Variants in DCLK1 observed in about 807,000 individuals in gnomAD.
The protein encoded by DCLK1 is serine/threonine-protein kinase DCLK1.
DCLK1 carries 16 observed loss-of-function variants against 86.2 expected under a neutral mutation model. The ratio of observed to expected loss-of-function variants is 0.19; its 90% CI spans 0.13 to 0.28. The LOEUF (loss-of-function observed/expected upper bound fraction) is 0.28. Among genes scored for constraint, DCLK1 ranks in the 10% least tolerant of loss-of-function variants. The probability of loss-of-function intolerance (pLI) is 1.00; values close to 1 mark genes in which losing one functional copy is unlikely to be tolerated. For synonymous variants in DCLK1, 369 were observed against 370.5 expected, an observed-to-expected ratio of 1.00 and a Z score of 0.05; for missense variants, 590 against 940.2, an observed-to-expected ratio of 0.63 and a Z score of 4.87.
chr13:35,851,375 C>G (rs1870621305), intron 6 of DCLK1, among the ~76,000 whole-genome samples: 3 of 152,180 alleles, frequency 2.0e-5, no homozygotes, highest in Admixed American at 2.0e-4. Context: ...CACCTCCTCT[C>G]TCCTTTCCTA....
intron 16 of DCLK1, among the ~76,000 whole-genome samples, chr13:35,784,403 T>C (rs1056147581): frequency 6.6e-6 from 1 of 152,192 alleles, no homozygotes; most frequent in Non-Finnish European, 1.5e-5. Flanking sequence ...AAAACCTCAG[T>C]GAGCAACCTG....
Position 35,855,628 on chromosome 13 carries a change from AGGAT to A in DCLK1, c.941-1039_941-1036del, listed in dbSNP as rs1309646852. On this transcript the variant is annotated intron_variant, in intron 5 of 16. Transcript: ENST00000360631. ...AATGGGAATCGGTTGGATGAGTTTA[AGGAT>A]GGCTAAGGCTGCTCCCAGAGCAGGC... 7 of 1,516,102 alleles carry A rather than the reference AGGAT, an allele frequency of 4.6e-6. No homozygotes were observed. The East Asian group carries it at 1.7e-4, about 37-fold the overall frequency. The allele number at this position is 1,516,102 out of a possible 1,614,324, so 93.9% of individuals were successfully genotyped here.
chr13:35,839,014 G>C (rs1869601363), intron 7 of DCLK1, 78 bp downstream of exon 7: 3 of 1,355,736 alleles, frequency 2.2e-6, no homozygotes, highest in African/African-American at 2.9e-5. Context: ...CATTCCGCTT[G>C]AGAAGCCACA....
At chr13:35,916,080 TTACC>T (rs1875391121) in intron 4 of DCLK1, among the ~76,000 whole-genome samples, 1 of 152,222 alleles carries the variant, frequency 6.6e-6, no homozygotes, top group East Asian at 1.9e-4. Context: ...GATGAGGCAC[TTACC>T]TTCTGCAAAA....
At chr13:36,042,168 T>C (rs565293631) in intron 3 of DCLK1, among the ~76,000 whole-genome samples, 14 of 152,306 alleles carry the variant, frequency 9.2e-5, no homozygotes, top group African/African-American at 3.4e-4. Flanking sequence ...TTTGGCATCC[T>C]GTCCAGTTTT....
At chr13:36,038,590 T>C (rs774413546) in intron 3 of DCLK1, among the ~76,000 whole-genome samples, 1 of 152,238 alleles carries the variant, frequency 6.6e-6, no homozygotes, top group Non-Finnish European at 1.5e-5. Context: ...AAGCAACTTA[T>C]GCACAACTGA....
At chr13:35,872,759 C>T (rs116628794) in intron 4 of DCLK1, among the ~76,000 whole-genome samples, 3 of 149,886 alleles carry the variant, frequency 2.0e-5, no homozygotes, top group Non-Finnish European at 4.4e-5. Flanking sequence ...ATTGTTCTTT[C>T]CCCTTCAATA....
intron 3 of DCLK1, among the ~76,000 whole-genome samples, chr13:36,090,824 T>C (rs1884793462): frequency 6.6e-6 from 1 of 152,126 alleles, no homozygotes; most frequent in East Asian, 1.9e-4. Flanking sequence ...CTCATGATCA[T>C]GAGCTTGGTC....
chr13:36,033,593 T>C (rs1427098635), intron 3 of DCLK1, among the ~76,000 whole-genome samples: 1 of 152,124 alleles, frequency 6.6e-6, no homozygotes, highest in Non-Finnish European at 1.5e-5. Flanking sequence ...AGATAAAATA[T>C]GTAAAGTGCC....
chr13:35,839,057 C>T (rs769505979), intron 7 of DCLK1, 35 bp downstream of exon 7: 12 of 1,564,514 alleles, frequency 7.7e-6, no homozygotes, highest in African/African-American at 1.4e-5. Flanking sequence ...AACCCATCCT[C>T]TGCCTCCTCA....
At chr13:35,854,629 G>T in intron 5 of DCLK1, 36 bp from the exon 6 acceptor site, 1 of 1,498,578 alleles carries the variant, frequency 6.7e-7, no homozygotes, top group Non-Finnish European at 9.0e-7. Flanking sequence ...GAGAAAAATG[G>T]CACGTTAAAT....
chr13:36,006,105 C>T (rs1180897815), intron 3 of DCLK1, among the ~76,000 whole-genome samples: 1 of 152,120 alleles, frequency 6.6e-6, no homozygotes, highest in Non-Finnish European at 1.5e-5. Context: ...ATGGGTGCAG[C>T]AAACCACCAT....
At chr13:36,013,498 C>T (rs1165683478) in intron 3 of DCLK1, among the ~76,000 whole-genome samples, 1 of 152,172 alleles carries the variant, frequency 6.6e-6, no homozygotes, top group African/African-American at 2.4e-5. Flanking sequence ...TGTGAGGTGT[C>T]AGTGTGCCCC....
chr13:36,130,919 G>GC (rs1013562646), intron 1 of DCLK1, among the ~76,000 whole-genome samples, 195 bp downstream of exon 1: 4 of 152,028 alleles, frequency 2.6e-5, no homozygotes, highest in African/African-American at 9.7e-5. Flanking sequence ...CCGCCCGCAC[G>GC]CAACGCCCCC....
chr13:35,802,264 C>T lies in DCLK1; in HGVS notation c.1944+3435G>A, dbSNP rs558846387. On this transcript the variant is annotated intron_variant, in intron 15 of 16. Transcript: ENST00000360631. ...GGAGGATTGCCTGAGCCCAGGAGGT[C>T]GAGGCTGCAGTGAGCCATGATTGAG... is the stretch of plus-strand genomic sequence containing the variant. Among the ~76,000 whole-genome samples the T allele has an allele frequency of 3.3e-5, 5 of 150,190 alleles. No individual in the cohort carries two copies. The South Asian group carries it at 8.4e-4, about 25-fold the overall frequency.
chr13:35,828,920 G>A (rs1214134631), intron 8 of DCLK1, among the ~76,000 whole-genome samples: 1 of 152,146 alleles, frequency 6.6e-6, no homozygotes, highest in South Asian at 2.1e-4. Flanking sequence ...TTAGACCTCA[G>A]TTCAGTGTGA....
chr13:35,953,596 C>A (rs1251975396), intron 3 of DCLK1, among the ~76,000 whole-genome samples: 4 of 152,158 alleles, frequency 2.6e-5, no homozygotes, highest in Non-Finnish European at 5.9e-5. Context: ...AAGCTGCTTA[C>A]GAGGAAACAA....
At chr13:36,127,797 A>G (rs901569554) in intron 1 of DCLK1, among the ~76,000 whole-genome samples, 21 of 152,144 alleles carry the variant, frequency 1.4e-4, no homozygotes, top group Admixed American at 7.2e-4. Flanking sequence ...TGACTGGAGG[A>G]CCAGTTCATC....
At position 35,909,629 on chromosome 13, in the gene DCLK1, G is replaced by A. The variant is rs200609077; in HGVS notation, c.823+37729C>T. ...TGTGTGTGTGTGTGTGTGTGTGTGTGTGTGTGTGTGTATTTTTTTTTTCTA... is the reference window on the plus strand; with the variant it reads ...TGTGTGTGTGTGTGTGTGTGTGTGTATGTGTGTGTGTATTTTTTTTTTCTA... On this transcript the variant is annotated intron_variant, in intron 4 of 16. Transcript: ENST00000360631. Among the ~76,000 whole-genome samples the A allele has an allele frequency of 4.7e-4, 18 of 38,652 alleles. No individual in the cohort carries two copies. In the South Asian group the frequency reaches 5.8e-3, roughly 13 times the overall value. 25.4% of individuals were successfully genotyped at this position (38,652 alleles called of 152,430 possible).
Sources: allele counts gnomAD v4.1 joint callset (sites outside exome capture counted in the v4.1 genomes callset), GRCh38; gene constraint gnomAD v4.1.1; transcripts MANE v1.5; gene names NCBI Gene and HGNC (gene_info 2026-07-23, HGNC 2026-07-21).